The following PRKG1 variants were observed in gnomAD, a reference collection of about 807,000 sequenced individuals.
PRKG1 encodes protein kinase cGMP-dependent 1.
Under a neutral mutation model 88.1 loss-of-function variants are expected in PRKG1, and 35 were observed. The observed-to-expected ratio is 0.40, with a 90% CI of 0.30 to 0.53. The LOEUF (loss-of-function observed/expected upper bound fraction) is 0.53, where lower values mean the gene tolerates loss of function less well. PRKG1 is among the 20% of genes least tolerant of loss of function. The probability of loss-of-function intolerance (pLI) is 0.59; values close to 1 mark genes in which losing one functional copy is unlikely to be tolerated. For missense variants in PRKG1, 540 were observed against 839.8 expected (o/e 0.64, Z 4.41); for synonymous variants, 303 against 292.5 (o/e 1.04, Z -0.37).
upstream of PRKG1, among the ~76,000 whole-genome samples, chr10:51,073,725 AC>A (rs1843871875): frequency 6.6e-6 from 1 of 151,882 alleles, no homozygotes; most frequent in South Asian, 2.1e-4. Flanking sequence ...CGGAAACCCC[AC>A]CCCCTACCCC....
chr10:51,577,453 A>G (rs759067246), intron 3 of PRKG1, among the ~76,000 whole-genome samples: 2 of 152,032 alleles, frequency 1.3e-5, no homozygotes, highest in African/African-American at 2.4e-5. Context: ...AATTATGTGC[A>G]TTTCCTTTTT....
rs1490161662 is a variant in PRKG1 at position 52,294,848 on chromosome 10, TA to T, written c.*951del. On this transcript the variant is annotated 3_prime_UTR_variant, in exon 18 of 18. Transcript: ENST00000373980. ...GAGGGATTAAAACCCATCCAAAAAATAAATAAAAACTATATAGGTGCTATGT... is the reference window on the plus strand; with the variant it reads ...GAGGGATTAAAACCCATCCAAAAAATAATAAAAACTATATAGGTGCTATGT... 6.6e-6 allele frequency: 1 copy of T among 152,348 alleles called. No individual in the cohort carries two copies. Among genetic ancestry groups the T allele is most frequent in the Non-Finnish European group, 1.5e-5 (1 of 67,946 alleles). 9.4% of individuals were successfully genotyped at this position (152,348 alleles called of 1,614,324 possible).
chr10:51,869,963 T>C (rs1841113945), intron 4 of PRKG1, among the ~76,000 whole-genome samples: 1 of 152,172 alleles, frequency 6.6e-6, no homozygotes, highest in Non-Finnish European at 1.5e-5. Flanking sequence ...TTTTTATTTC[T>C]CAGTTACCTT....
intron 3 of PRKG1, among the ~76,000 whole-genome samples, chr10:51,691,466 G>A (rs1320856852): frequency 6.6e-6 from 1 of 151,686 alleles, no homozygotes; most frequent in Non-Finnish European, 1.5e-5. Context: ...TGCCACCATG[G>A]CCAACTAATG....
intron 3 of PRKG1, among the ~76,000 whole-genome samples, chr10:51,747,466 A>G (rs564544585): frequency 7.2e-5 from 11 of 152,284 alleles, no homozygotes; most frequent in African/African-American, 2.2e-4. Context: ...GAAGGCGCAG[A>G]TGGAAAGACA....
intron 2 of PRKG1, among the ~76,000 whole-genome samples, chr10:51,265,287 A>G (rs1355744281): frequency 6.6e-6 from 1 of 152,160 alleles, no homozygotes; most frequent in Non-Finnish European, 1.5e-5. Flanking sequence ...ACAACATAAC[A>G]TACAAAGACT....
chr10:51,958,895 A>G (rs1008127079), intron 5 of PRKG1, among the ~76,000 whole-genome samples: 4 of 152,152 alleles, frequency 2.6e-5, no homozygotes, highest in African/African-American at 7.2e-5. Flanking sequence ...TCCAAGCCCA[A>G]TATTTTACAG....
At chr10:51,488,061 A>G (rs760055988) in intron 3 of PRKG1, among the ~76,000 whole-genome samples, 10 of 152,182 alleles carry the variant, frequency 6.6e-5, no homozygotes, top group African/African-American at 9.7e-5. Flanking sequence ...ATTTTAATCA[A>G]TAGAGTCAGT....
intron 3 of PRKG1, among the ~76,000 whole-genome samples, chr10:51,507,097 A>G (rs1487143308): frequency 6.7e-6 from 1 of 150,206 alleles, no homozygotes; most frequent in Non-Finnish European, 1.5e-5. Context: ...TGGGAATTGA[A>G]CAATGAGAAC....
intron 3 of PRKG1, among the ~76,000 whole-genome samples, chr10:51,764,711 A>T (rs779490370): frequency 1.3e-5 from 2 of 152,164 alleles, no homozygotes; most frequent in Non-Finnish European, 2.9e-5. Flanking sequence ...TAATAAGTCA[A>T]TTTATGCTTA....
chr10:51,438,954 A>G (rs1409573250), intron 2 of PRKG1, among the ~76,000 whole-genome samples: 2 of 151,844 alleles, frequency 1.3e-5, no homozygotes, highest in East Asian at 3.9e-4. Flanking sequence ...GACAAATCTG[A>G]TTAATCAAAA....
intron 3 of PRKG1, among the ~76,000 whole-genome samples, chr10:51,788,989 T>C (rs972482390): frequency 1.3e-4 from 20 of 152,166 alleles, no homozygotes; most frequent in African/African-American, 4.8e-4. Flanking sequence ...AATCCCTCCT[T>C]TGGGAGAATA....
intron 10 of PRKG1, among the ~76,000 whole-genome samples, chr10:52,261,402 G>C (rs181044383): frequency 6.6e-6 from 1 of 152,070 alleles, no homozygotes; most frequent in Admixed American, 6.6e-5. Context: ...AAATGAAAAG[G>C]CATATATATA....
At chr10:52,144,023 G>T (rs1258196377) in intron 8 of PRKG1, among the ~76,000 whole-genome samples, 2 of 152,198 alleles carry the variant, frequency 1.3e-5, no homozygotes, top group African/African-American at 4.8e-5. Context: ...ATTGAGGATG[G>T]AGGAATATGT....
chr10:51,955,075 G>C (rs1488642553), intron 5 of PRKG1, among the ~76,000 whole-genome samples: 1 of 151,904 alleles, frequency 6.6e-6, no homozygotes, highest in African/African-American at 2.4e-5. Flanking sequence ...TTTTTTAAAG[G>C]ACATAATTTT....
At chr10:51,363,834 T>C (rs776106646) in intron 2 of PRKG1, among the ~76,000 whole-genome samples, 30 of 151,988 alleles carry the variant, frequency 2.0e-4, no homozygotes, top group Admixed American at 6.6e-4. Flanking sequence ...GTAAGGTTTT[T>C]TGCATGCACA....
At chr10:51,565,572 T>G (rs1441250704) in intron 3 of PRKG1, among the ~76,000 whole-genome samples, 1 of 152,158 alleles carries the variant, frequency 6.6e-6, no homozygotes. Context: ...TGGGTTCAGA[T>G]GAGTGCAAAT....
chr10:51,512,353 C>T (rs1168751548), intron 3 of PRKG1, among the ~76,000 whole-genome samples: 4 of 109,086 alleles, frequency 3.7e-5, no homozygotes, highest in African/African-American at 1.1e-4. Flanking sequence ...CCTCCCCCCA[C>T]CCCACCACAG....
intron 9 of PRKG1, among the ~76,000 whole-genome samples, chr10:52,177,595 T>C (rs945576327): frequency 9.2e-5 from 14 of 152,106 alleles, no homozygotes; most frequent in Non-Finnish European, 1.6e-4. Flanking sequence ...CTTTAAATGT[T>C]TGGTGGAATT....
Sources: allele counts gnomAD v4.1 joint callset (sites outside exome capture counted in the v4.1 genomes callset), GRCh38; gene constraint gnomAD v4.1.1; transcripts MANE v1.5; gene names NCBI Gene and HGNC (gene_info 2026-07-23, HGNC 2026-07-21).